PLCB1: variants seen among roughly 807,000 people sequenced by gnomAD.
The protein encoded by PLCB1 is 1-phosphatidylinositol 4,5-bisphosphate phosphodiesterase beta-1.
A neutral mutation model predicts 161.8 loss-of-function variants in PLCB1; 46 were observed. The ratio of observed to expected loss-of-function variants is 0.28; its 90% CI spans 0.22 to 0.36. The LOEUF (loss-of-function observed/expected upper bound fraction) is 0.36. Ranked by LOEUF, PLCB1 falls within the 10% of genes least tolerant of loss-of-function variation. PLCB1 has a pLI of 1.00. For missense variants in PLCB1, 1,016 were observed against 1,472.5 expected, an observed-to-expected ratio of 0.69 and a Z score of 5.07; for synonymous variants, 517 against 503.7, an observed-to-expected ratio of 1.03 and a Z score of -0.35.
At chr20:8,241,227 T>C (rs56350353) in intron 2 of PLCB1, among the ~76,000 whole-genome samples, 1 of 152,158 alleles carries the variant, frequency 6.6e-6, no homozygotes, top group South Asian at 2.1e-4. Flanking sequence ...AGTAATCTAC[T>C]TGAAAAATTA....
chr20:8,185,185 G>C (rs1370963343), intron 2 of PLCB1, among the ~76,000 whole-genome samples: 1 of 152,150 alleles, frequency 6.6e-6, no homozygotes, highest in Non-Finnish European at 1.5e-5. Context: ...GAGGAGTGTA[G>C]TTTAGTGATA....
At chr20:8,535,633 T>C (rs989566847) in intron 3 of PLCB1, among the ~76,000 whole-genome samples, 1 of 152,174 alleles carries the variant, frequency 6.6e-6, no homozygotes, top group Non-Finnish European at 1.5e-5. Flanking sequence ...AACAGAGTTA[T>C]CCAGCCCAAA....
chr20:8,603,395 C>A (rs1043715263), intron 3 of PLCB1, among the ~76,000 whole-genome samples: 4 of 152,132 alleles, frequency 2.6e-5, no homozygotes, highest in Non-Finnish European at 1.5e-5. Flanking sequence ...AGTGGGACTC[C>A]TAGATAAAAT....
chr20:8,878,435 C>G (rs1987852647), intron 31 of PLCB1, among the ~76,000 whole-genome samples: 1 of 152,184 alleles, frequency 6.6e-6, no homozygotes, highest in Admixed American at 6.5e-5. Context: ...ATTGTTGGAA[C>G]AGCAGGGAAA....
intron 27 of PLCB1, among the ~76,000 whole-genome samples, chr20:8,781,771 G>A (rs983452394): frequency 8.5e-5 from 13 of 152,238 alleles, no homozygotes; most frequent in Middle Eastern, 3.4e-3. Context: ...CGTGGATGGC[G>A]GCAGGCAAAG....
At chr20:8,448,569 A>G (rs761436651) in intron 3 of PLCB1, among the ~76,000 whole-genome samples, 5 of 152,200 alleles carry the variant, frequency 3.3e-5, no homozygotes, top group African/African-American at 4.8e-5. Flanking sequence ...TTTCTTATAA[A>G]AACTTTTTCC....
intron 2 of PLCB1, among the ~76,000 whole-genome samples, chr20:8,278,851 C>G (rs1466268729): frequency 3.9e-5 from 6 of 151,980 alleles, no homozygotes; most frequent in African/African-American, 1.4e-4. Context: ...GAAATATATT[C>G]TCCTCCACCC....
chr20:8,322,066 A>G (rs1984944770), intron 2 of PLCB1, among the ~76,000 whole-genome samples: 1 of 152,168 alleles, frequency 6.6e-6, no homozygotes, highest in Non-Finnish European at 1.5e-5. Flanking sequence ...GATCTGAGGC[A>G]TGTTCTCCTG....
At chr20:8,629,986 CTTTCTTTCTTTCTTTCTTTCTT>C (rs1310749518) in intron 4 of PLCB1, among the ~76,000 whole-genome samples, 3 of 102,284 alleles carry the variant, frequency 2.9e-5, no homozygotes, top group Admixed American at 1.0e-4. Flanking sequence ...TTCTTTCTTT[CTTTCTTTCTTTCTTTCTTTCTT>C]TCTCTTTCTT....
intron 3 of PLCB1, among the ~76,000 whole-genome samples, chr20:8,517,864 C>A (rs1984198436): frequency 6.6e-6 from 1 of 152,152 alleles, no homozygotes; most frequent in Admixed American, 6.5e-5. Flanking sequence ...TCAGTCAGAG[C>A]CACATAAACT....
intron 2 of PLCB1, among the ~76,000 whole-genome samples, chr20:8,287,570 C>G (rs889677175): frequency 6.6e-6 from 1 of 152,080 alleles, no homozygotes. Flanking sequence ...GGGAGGCTGC[C>G]GACAAGGCAG....
At chr20:8,183,427 C>T (rs938415874) in intron 2 of PLCB1, among the ~76,000 whole-genome samples, 3 of 152,230 alleles carry the variant, frequency 2.0e-5, no homozygotes, top group Middle Eastern at 3.4e-3. Flanking sequence ...TAATGTACTA[C>T]ATTTAAGTTT....
At chr20:8,357,016 C>CT (rs891835552) in intron 2 of PLCB1, among the ~76,000 whole-genome samples, 1 of 152,100 alleles carries the variant, frequency 6.6e-6, no homozygotes, top group Non-Finnish European at 1.5e-5. Context: ...TTAGGTTTTA[C>CT]TTTCATCTGA....
intron 31 of PLCB1, among the ~76,000 whole-genome samples, chr20:8,794,939 C>T (rs925468548): frequency 1.3e-5 from 2 of 152,168 alleles, no homozygotes; most frequent in Non-Finnish European, 2.9e-5. Flanking sequence ...CACATGAAAC[C>T]TCATTCAAAG....
intron 3 of PLCB1, among the ~76,000 whole-genome samples, chr20:8,464,343 A>T (rs963694029): frequency 1.3e-5 from 2 of 152,160 alleles, no homozygotes; most frequent in African/African-American, 2.4e-5. Flanking sequence ...TAGCATTTAT[A>T]GCCCATTGCT....
At position 8,191,665 on chromosome 20, in the gene PLCB1, T is replaced by C. The variant is rs1010013683; in HGVS notation, c.177+41294T>C. Among the ~76,000 whole-genome samples, 7 of 152,004 alleles carry C rather than the reference T, an allele frequency of 4.6e-5. No homozygotes were observed. The East Asian group carries it at 5.8e-4, about 13-fold the overall frequency. On this transcript the variant is annotated intron_variant, in intron 2 of 31. Transcript: ENST00000338037. The stretch of plus-strand genomic sequence containing the variant: ...CAAAATGCGAACGTGTGAGTTGCAT[T>C]GGGACAGATTAGTATGCTCTGTAAA...
At chr20:8,380,542 C>T (rs201544622) in intron 3 of PLCB1, among the ~76,000 whole-genome samples, 3 of 152,054 alleles carry the variant, frequency 2.0e-5, no homozygotes, top group Non-Finnish European at 2.9e-5. Flanking sequence ...TTGGGCAGTA[C>T]GGACATTTTC....
At chr20:8,399,155 T>C (rs1335084564) in intron 3 of PLCB1, among the ~76,000 whole-genome samples, 1 of 151,894 alleles carries the variant, frequency 6.6e-6, no homozygotes, top group African/African-American at 2.4e-5. Flanking sequence ...TTTTTTTGTT[T>C]GTTTGTCATG....
chr20:8,175,988 A>C (rs948604406), intron 2 of PLCB1, among the ~76,000 whole-genome samples: 2 of 152,150 alleles, frequency 1.3e-5, no homozygotes, highest in Admixed American at 6.6e-5. Context: ...CTCACTGCAC[A>C]CCTATCAGAA....
Sources: allele counts gnomAD v4.1 joint callset (sites outside exome capture counted in the v4.1 genomes callset), GRCh38; gene constraint gnomAD v4.1.1; transcripts MANE v1.5; gene names NCBI Gene and HGNC (gene_info 2026-07-23, HGNC 2026-07-21).